Variants in NCKAP5 observed in about 807,000 individuals in gnomAD.
NCKAP5 encodes the protein nck-associated protein 5.
Under a neutral mutation model 167.0 loss-of-function variants are expected in NCKAP5, and 92 were observed. The ratio of observed to expected loss-of-function variants is 0.55; its 90% CI spans 0.47 to 0.66. NCKAP5 has a LOEUF of 0.66. NCKAP5 is among the 30% of genes least tolerant of loss of function. The pLI is 0.00. For missense variants in NCKAP5, 2,378 were observed against 2,315.0 expected, an observed-to-expected ratio of 1.03 and a Z score of -0.56; for synonymous variants, 891 against 877.4, an observed-to-expected ratio of 1.02 and a Z score of -0.27.
the NCKAP5 span, among the ~76,000 whole-genome samples, chr2:133,652,483 G>T: frequency 6.6e-6 from 1 of 152,196 alleles, no homozygotes; most frequent in Non-Finnish European, 1.5e-5. Context: ...TATTGACGGA[G>T]AATTCATCCA....
chr2:133,043,260 C>T (rs754354341), intron 6 of NCKAP5, among the ~76,000 whole-genome samples: 1 of 152,162 alleles, frequency 6.6e-6, no homozygotes, highest in Non-Finnish European at 1.5e-5. Context: ...GTGCCAAGTA[C>T]TTATACTCCT....
intron 5 of NCKAP5, among the ~76,000 whole-genome samples, chr2:133,148,519 C>G (rs936858828): frequency 6.6e-6 from 1 of 152,104 alleles, no homozygotes; most frequent in African/African-American, 2.4e-5. Context: ...CTCTCTTAAG[C>G]AGGGAAGTGC....
intron 2 of NCKAP5, among the ~76,000 whole-genome samples, chr2:133,532,460 C>A (rs1367665245): frequency 6.6e-6 from 1 of 152,098 alleles, no homozygotes; most frequent in Non-Finnish European, 1.5e-5. Context: ...CTTATATCAC[C>A]CATGTTAAAA....
At chr2:133,399,723 C>T (rs17802295) in intron 3 of NCKAP5, among the ~76,000 whole-genome samples, 34,328 of 151,926 alleles carry the variant, frequency 0.23, 4,110 homozygotes, top group African/African-American at 0.31. Flanking sequence ...GTAACTGGTG[C>T]GGGCTCCATA....
intron 4 of NCKAP5, among the ~76,000 whole-genome samples, chr2:133,273,990 AT>A (rs1221145089): frequency 3.3e-5 from 5 of 151,284 alleles, no homozygotes; most frequent in East Asian, 3.9e-4. Flanking sequence ...AAAAAAAAAA[AT>A]CTATAACACG....
chr2:133,294,386 A>C (rs1679811766), intron 4 of NCKAP5, among the ~76,000 whole-genome samples: 1 of 152,224 alleles, frequency 6.6e-6, no homozygotes, highest in Admixed American at 6.5e-5. Context: ...TACAGGATAC[A>C]CAGAAGGTAC....
intron 3 of NCKAP5, among the ~76,000 whole-genome samples, chr2:133,428,883 A>T (rs557484011): frequency 3.5e-4 from 54 of 152,196 alleles, no homozygotes; most frequent in Non-Finnish European, 7.4e-4. Context: ...AAATGTTATT[A>T]AAAGTGTTGG....
At chr2:133,381,482 C>T (rs1238858225) in intron 3 of NCKAP5, 4 of 152,210 alleles carry the variant, frequency 2.6e-5, no homozygotes, top group African/African-American at 9.6e-5. Flanking sequence ...AAGAACTGCT[C>T]CCTCTATCCA....
At chr2:133,217,166 A>G (rs974340291) in intron 4 of NCKAP5, among the ~76,000 whole-genome samples, 6 of 152,152 alleles carry the variant, frequency 3.9e-5, no homozygotes, top group African/African-American at 1.2e-4. Flanking sequence ...TTTTAAGTAC[A>G]TACTGCAAAC....
intron 3 of NCKAP5, among the ~76,000 whole-genome samples, chr2:133,470,629 T>C (rs1386386290): frequency 3.3e-5 from 5 of 152,222 alleles, no homozygotes; most frequent in Non-Finnish European, 7.3e-5. Flanking sequence ...GCCTTGCAGT[T>C]TGATCTCAGA....
At chr2:133,032,437 C>A (rs1418475167) in intron 6 of NCKAP5, among the ~76,000 whole-genome samples, 2 of 152,158 alleles carry the variant, frequency 1.3e-5, no homozygotes, top group African/African-American at 4.8e-5. Flanking sequence ...GCCAGCTCAG[C>A]CACAGTACAA....
chr2:133,555,691 G>T (rs1038214016), intron 2 of NCKAP5, among the ~76,000 whole-genome samples: 10 of 152,084 alleles, frequency 6.6e-5, no homozygotes, highest in African/African-American at 2.2e-4. Context: ...AGTATAAATT[G>T]GTATAATCCC....
At chr2:132,746,267 G>A in intron 16 of NCKAP5, among the ~76,000 whole-genome samples, 1 of 152,054 alleles carries the variant, frequency 6.6e-6, no homozygotes, top group East Asian at 1.9e-4. Flanking sequence ...ATTTTCAATT[G>A]ATTTCTGACA....
At chr2:132,801,669 G>T (rs1359187288) in intron 11 of NCKAP5, among the ~76,000 whole-genome samples, 1 of 152,204 alleles carries the variant, frequency 6.6e-6, no homozygotes, top group Non-Finnish European at 1.5e-5. Flanking sequence ...TGGGGACCTG[G>T]CAATGCCAGG....
chr2:133,495,975 A>G (rs1681910492), intron 3 of NCKAP5, among the ~76,000 whole-genome samples: 1 of 152,200 alleles, frequency 6.6e-6, no homozygotes, highest in South Asian at 2.1e-4. Context: ...CATGCACAAA[A>G]TCTGACAGTA....
intron 4 of NCKAP5, among the ~76,000 whole-genome samples, chr2:133,244,272 T>C (rs1191199018): frequency 6.6e-6 from 1 of 152,214 alleles, no homozygotes; most frequent in African/African-American, 2.4e-5. Context: ...CAAATTCCCT[T>C]GTAATCTATC....
At chr2:133,634,611 T>C in the NCKAP5 span, among the ~76,000 whole-genome samples, 2 of 152,154 alleles carry the variant, frequency 1.3e-5, no homozygotes, top group African/African-American at 4.8e-5. Flanking sequence ...TTTTACAGAA[T>C]CCTCATTTCT....
intron 19 of NCKAP5, among the ~76,000 whole-genome samples, chr2:132,679,684 A>C (rs1385328377): frequency 6.6e-6 from 1 of 152,170 alleles, no homozygotes; most frequent in Admixed American, 6.5e-5. Context: ...AAATAAATGA[A>C]GTCTAAGAGA....
At chr2:132,865,392 A>C (rs1690260899) in intron 10 of NCKAP5, among the ~76,000 whole-genome samples, 1 of 152,174 alleles carries the variant, frequency 6.6e-6, no homozygotes, top group African/African-American at 2.4e-5. Context: ...GCTAGTTGAC[A>C]ATCTCAGGAT....
Sources: allele counts gnomAD v4.1 joint callset (sites outside exome capture counted in the v4.1 genomes callset), GRCh38; gene constraint gnomAD v4.1.1; transcripts MANE v1.5; gene names NCBI Gene and HGNC (gene_info 2026-07-23, HGNC 2026-07-21).